NPNT: variants seen among roughly 807,000 people sequenced by gnomAD.
NPNT encodes nephronectin.
Under a neutral mutation model 68.6 loss-of-function variants are expected in NPNT, and 45 were observed. That is an observed-to-expected ratio of 0.66 (90% CI 0.52 to 0.84). NPNT has a LOEUF of 0.84. Among genes scored for constraint, NPNT ranks in the 40% least tolerant of loss-of-function variants. The pLI is 0.00. For synonymous variants in NPNT, 233 were observed against 253.3 expected (o/e 0.92, Z 0.76); for missense variants, 672 against 714.8 (o/e 0.94, Z 0.68).
At position 105,969,229 on chromosome 4, in the gene NPNT, C is replaced by T; in HGVS notation, c.*239C>T. 2.8e-6 allele frequency: 1 copy of T among 352,706 alleles called. No individual in the cohort carries two copies. Among genetic ancestry groups the T allele is most frequent in the Middle Eastern group, 7.6e-4 (1 of 1,320 alleles). 21.8% of individuals were successfully genotyped at this position (352,706 alleles called of 1,614,324 possible). On this transcript the variant is annotated 3_prime_UTR_variant, in exon 12 of 12. Transcript: ENST00000379987. ...ACATCAAAGCCATCTGTGGGTGTTG[C>T]CTTCCATCCTGTGTCTCTTTCAGGA... is the stretch of plus-strand genomic sequence containing the variant.
At chr4:105,904,459 C>G (rs1320694433) in intron 2 of NPNT, among the ~76,000 whole-genome samples, 2 of 152,104 alleles carry the variant, frequency 1.3e-5, no homozygotes, top group Admixed American at 6.5e-5. Context: ...TTTTCTTTCC[C>G]AAGAAATCCC....
At position 105,940,612 on chromosome 4, in the gene NPNT, C is replaced by G. The variant is rs762267552; in HGVS notation, c.739C>G (p.Gln247Glu). The change falls in exon 7 of 12, where the codon CAG (glutamine) becomes GAG (glutamate). Residue 247 changes from glutamine (Q) to glutamate (E), a missense_variant. Gln to Glu is a conservative substitution (Grantham distance 29, BLOSUM62 2). Coordinates refer to ENST00000379987, the MANE Select transcript of NPNT (RefSeq NM_001033047.3). ...CAAGTGCAAATGTAAAGAAGGATAC[C>G]AGGGTGATGGACTGACTTGTGTGTG... ...SYKCKCKEGY[Q>E]GDGLTCVYIP... is the part of the protein sequence containing the mutation. 9 of 1,613,126 alleles carry G rather than the reference C, an allele frequency of 5.6e-6. No homozygotes were observed. The African/African-American group carries it at 1.1e-4, about 19-fold the overall frequency.
At chr4:105,914,389 TA>T (rs959654838) in intron 2 of NPNT, among the ~76,000 whole-genome samples, 1 of 138,138 alleles carries the variant, frequency 7.2e-6, no homozygotes. Flanking sequence ...ATATAATATA[TA>T]AAAATAATAT....
At chr4:105,908,727 C>T (rs2149327507) in intron 2 of NPNT, among the ~76,000 whole-genome samples, 1 of 152,152 alleles carries the variant, frequency 6.6e-6, no homozygotes, top group East Asian at 1.9e-4. Flanking sequence ...ACCACACCAA[C>T]TAATTTTTTG....
intron 2 of NPNT, among the ~76,000 whole-genome samples, chr4:105,918,485 A>T (rs1727994432): frequency 6.6e-6 from 1 of 152,196 alleles, no homozygotes; most frequent in Non-Finnish European, 1.5e-5. Flanking sequence ...ATGAATTCTT[A>T]CATTATGAAA....
intron 6 of NPNT, 135 bp downstream of exon 6, chr4:105,940,344 A>T (rs1287648507): frequency 1.7e-5 from 18 of 1,043,566 alleles, no homozygotes; most frequent in Non-Finnish European, 2.3e-5. Flanking sequence ...CATCCAGTTT[A>T]ACCACTGGTA....
At chr4:105,944,594 A>G (rs1233113621) in intron 8 of NPNT, among the ~76,000 whole-genome samples, 1 of 152,222 alleles carries the variant, frequency 6.6e-6, no homozygotes, top group African/African-American at 2.4e-5. Context: ...TTGGGGAAAT[A>G]CAGAGTTCCA....
chr4:105,931,668 C>CAAA (rs59960189), intron 3 of NPNT, among the ~76,000 whole-genome samples: 4 of 99,938 alleles, frequency 4.0e-5, no homozygotes, highest in Admixed American at 1.1e-4. Flanking sequence ...ACTAAAAATA[C>CAAA]AAAAAAAAAA....
rs556076978 is a variant in NPNT at position 105,915,555 on chromosome 4, CA to C, written c.173-11779del. Among the ~76,000 whole-genome samples, 34 of 152,240 alleles carry C rather than the reference CA, an allele frequency of 2.2e-4. No homozygotes were observed. In the East Asian group the frequency reaches 6.6e-3, roughly 29 times the overall value. On this transcript the variant is annotated intron_variant, in intron 2 of 11. Transcript: ENST00000379987. ...AGGAAACCCAAAGCGTTTGACTCAG[CA>C]ACTGGCTTATATTCACATTCAGTAA...
rs978596779 is a variant in NPNT at position 105,927,862 on chromosome 4, A to T, written c.265+434A>T. Among the ~76,000 whole-genome samples the T allele has an allele frequency of 1.2e-4, 19 of 152,324 alleles. No individual in the cohort carries two copies. The East Asian group carries it at 3.5e-3, about 28-fold the overall frequency. On this transcript the variant is annotated intron_variant, in intron 3 of 11. Transcript: ENST00000379987. Reference sequence around the variant, plus strand: ...ACTCTGAGCCCTTCGATTCGTGATTAAATCTCCCTTCAACTACTGACCAGT... The same window carrying T: ...ACTCTGAGCCCTTCGATTCGTGATTTAATCTCCCTTCAACTACTGACCAGT...
In NPNT at chr4:105,897,873, A is replaced by T. The variant is rs767755585; in HGVS notation, c.72-28A>T. ...TACCTTTCTTCTCAAAAGTGTCCTT[A>T]TTTATTTTGAATCTTTTTTTTTGGT... On this transcript the variant is annotated intron_variant, in intron 1 of 11. Transcript: ENST00000379987. 9.1e-6 allele frequency: 14 copies of T among 1,545,836 alleles called. No homozygotes were observed. The Admixed American group carries it at 2.3e-4, about 26-fold the overall frequency.
chr4:105,938,396 G>C lies in NPNT; in HGVS notation c.481G>C (p.Ala161Pro). The change falls in exon 5 of 12, where the codon GCT becomes CCT. Residue 161 changes from alanine to proline, a missense_variant. Physicochemically the swap from Ala to Pro is conservative, Grantham distance 27 (BLOSUM62 -1). Transcript: ENST00000379987. ...CQCPSPGLQL[A>P]PDGRTCVDVD... is the part of the protein sequence containing the mutation. ...GTGCCCATCCCCTGGCCTGCAGCTG[G>C]CTCCTGATGGGAGGACCTGTGTAGG... 1 of 1,613,614 alleles carries C rather than the reference G, an allele frequency of 6.2e-7. No individual in the cohort carries two copies. Among genetic ancestry groups the C allele is most frequent in the Non-Finnish European group, 8.5e-7 (1 of 1,179,700 alleles).
intron 6 of NPNT, 36 bp from the exon 7 acceptor site, chr4:105,940,478 T>C (rs1238791116): frequency 1.3e-6 from 2 of 1,588,890 alleles, no homozygotes; most frequent in South Asian, 1.1e-5. Flanking sequence ...ATTTATCTCC[T>C]AAATAAGTCT....
chr4:105,916,831 T>TCAGTA (rs1727859095), intron 2 of NPNT, among the ~76,000 whole-genome samples: 1 of 152,192 alleles, frequency 6.6e-6, no homozygotes. Context: ...CCAGTTCAGT[T>TCAGTA]CAGTACACTT....
intron 2 of NPNT, among the ~76,000 whole-genome samples, chr4:105,920,661 G>A (rs1403566381): frequency 1.3e-5 from 2 of 151,854 alleles, no homozygotes; most frequent in African/African-American, 2.4e-5. Flanking sequence ...TTATTTTGGC[G>A]GGGGACACTT....
rs577517781 is a variant in NPNT, at chr4:105,903,867, C to A, written c.172+5866C>A. On this transcript the variant is annotated intron_variant, in intron 2 of 11. Transcript: ENST00000379987. ...TGGCATAATCTTGGCTCACTAGAAC[C>A]CTTACCTCCTGGGCTCAAGCCATCC... Among the ~76,000 whole-genome samples, 47 of 151,316 alleles carry A rather than the reference C, an allele frequency of 3.1e-4. 1 individual carries two copies. The South Asian group carries it at 9.6e-3, about 31-fold the overall frequency.
At chr4:105,940,800 G>A (rs1729886354) in intron 7 of NPNT, among the ~76,000 whole-genome samples, 164 bp downstream of exon 7, 1 of 152,052 alleles carries the variant, frequency 6.6e-6, no homozygotes, top group Non-Finnish European at 1.5e-5. Flanking sequence ...CACTTGCTCA[G>A]GTACTTGTAA....
intron 2 of NPNT, among the ~76,000 whole-genome samples, chr4:105,911,168 T>C (rs1259001558): frequency 6.6e-6 from 1 of 152,034 alleles, no homozygotes; most frequent in Admixed American, 6.6e-5. Context: ...AACATCAAGA[T>C]ATGGTGAGTT....
intron 2 of NPNT, among the ~76,000 whole-genome samples, chr4:105,900,844 T>TTG (rs1189632973): frequency 2.0e-5 from 3 of 151,590 alleles, no homozygotes; most frequent in African/African-American, 7.3e-5. Flanking sequence ...GTTTTTTTTT[T>TTG]TTTTTTTTTT....
Sources: gnomAD v4.1 joint callset for allele counts (sites outside exome capture counted in the v4.1 genomes callset) on GRCh38, gnomAD v4.1.1 for gene constraint, MANE v1.5 for transcripts, NCBI Gene and HGNC (gene_info 2026-07-23, HGNC 2026-07-21) for gene names.